Variants in MAST2 observed in about 807,000 individuals in gnomAD.
MAST2 encodes the protein microtubule-associated serine/threonine-protein kinase 2.
In MAST2, 70 loss-of-function variants were observed where a neutral mutation model predicts 147.4. That is an observed-to-expected ratio of 0.47 (90% CI 0.39 to 0.58). The LOEUF is 0.58. Ranked by LOEUF, MAST2 falls within the 20% of genes least tolerant of loss-of-function variation. The pLI, the probability that MAST2 is intolerant of heterozygous loss-of-function variation, is 0.00. For synonymous variants in MAST2, 869 were observed against 896.8 expected (o/e 0.97, Z 0.55); for missense variants, 2,080 against 2,302.3 (o/e 0.90, Z 1.98).
At chr1:45,903,667 T>C (rs1027797638) in intron 4 of MAST2, among the ~76,000 whole-genome samples, 15 of 152,234 alleles carry the variant, frequency 9.9e-5, no homozygotes, top group Admixed American at 9.2e-4. Context: ...ATGGTTGATA[T>C]GATTTTTATT....
Position 45,999,224 on chromosome 1 carries a change from C to A in MAST2, c.668+1425C>A, listed in dbSNP as rs567769338. On this transcript the variant is annotated intron_variant, in intron 6 of 28. Coordinates refer to ENST00000361297, the MANE Select transcript of MAST2 (RefSeq NM_015112.3). ...TGGGTTTCCTCCTTCAACCCACTTA[C>A]CTTATTCAAAACAAATTTTATCCAG... 3.3e-5 allele frequency among the ~76,000 whole-genome samples: 5 copies of A among 152,306 alleles called. No homozygotes were observed. The South Asian group carries it at 1.0e-3, about 32-fold the overall frequency.
rs556454403 is a variant in MAST2, at chr1:45,985,706, T to G, written c.593-12018T>G. On this transcript the variant is annotated intron_variant, in intron 5 of 28. Transcript: ENST00000361297. ...GCTGAATCTGTAGATCAGTTAGGAGTGAATTGACTTCTTAACAATATCAAA... is the reference window on the plus strand; with the variant it reads ...GCTGAATCTGTAGATCAGTTAGGAGGGAATTGACTTCTTAACAATATCAAA... 1.2e-3 allele frequency among the ~76,000 whole-genome samples: 176 copies of G among 152,336 alleles called. 1 individual carries two copies. The highest frequency in any genetic ancestry group is 1.2e-3 in the Non-Finnish European group (83 of 68,022).
intron 6 of MAST2, among the ~76,000 whole-genome samples, chr1:45,998,749 A>G (rs1252947680): frequency 2.0e-5 from 3 of 147,436 alleles, no homozygotes; most frequent in Non-Finnish European, 4.5e-5. Context: ...TTTTTTTGAG[A>G]CGGAGTCTCA....
chr1:45,905,046 A>G (rs1650446217), intron 4 of MAST2, among the ~76,000 whole-genome samples: 1 of 151,944 alleles, frequency 6.6e-6, no homozygotes, highest in African/African-American at 2.4e-5. Flanking sequence ...CCTGAGCTCA[A>G]GTGATCCTCC....
intron 3 of MAST2, among the ~76,000 whole-genome samples, chr1:45,840,741 G>A (rs1273179216): frequency 6.6e-6 from 1 of 152,284 alleles, no homozygotes; most frequent in East Asian, 1.9e-4. Flanking sequence ...ACAAGTAGCT[G>A]AGCCTCAGTC....
rs187777616 is a variant in MAST2 at position 46,026,996 on chromosome 1, A to G, written c.1920-735A>G. ...CCAGAATATTTTTAAAGCACTTAGCACAGAGCTCAACAGATAACCAAAATT... is the reference window on the plus strand; with the variant it reads ...CCAGAATATTTTTAAAGCACTTAGCGCAGAGCTCAACAGATAACCAAAATT... On this transcript the variant is annotated intron_variant, in intron 16 of 28. Transcript: ENST00000361297. Among the ~76,000 whole-genome samples the G allele has an allele frequency of 2.0e-5, 3 of 152,318 alleles. No individual in the cohort carries two copies. In the East Asian group the frequency reaches 5.8e-4, roughly 29 times the overall value.
intron 2 of MAST2, among the ~76,000 whole-genome samples, chr1:45,827,409 A>G (rs1644826514): frequency 6.6e-6 from 1 of 152,144 alleles, no homozygotes; most frequent in Admixed American, 6.6e-5. Flanking sequence ...TTACTGGTGT[A>G]CAGAGTCAAA....
At chr1:46,018,207 C>T (rs548733464) in intron 10 of MAST2, among the ~76,000 whole-genome samples, 3 of 152,282 alleles carry the variant, frequency 2.0e-5, no homozygotes, top group Admixed American at 6.5e-5. Context: ...ATCCGGCATG[C>T]CTGGTCTCCC....
intron 3 of MAST2, among the ~76,000 whole-genome samples, chr1:45,832,186 G>A (rs1052679233): frequency 1.3e-5 from 2 of 151,998 alleles, no homozygotes; most frequent in African/African-American, 4.8e-5. Flanking sequence ...TTTAACCTCT[G>A]GAACCTAAAA....
intron 3 of MAST2, among the ~76,000 whole-genome samples, chr1:45,862,445 G>A (rs1021384723): frequency 6.6e-6 from 1 of 151,666 alleles, no homozygotes; most frequent in Non-Finnish European, 1.5e-5. Context: ...ATGCCAAGGG[G>A]AGACGTTTTT....
intron 5 of MAST2, among the ~76,000 whole-genome samples, chr1:45,980,272 T>C (rs11806358): frequency 0.81 from 103,305 of 127,320 alleles, 41,184 homozygotes; most frequent in East Asian, 0.98. Context: ...GAGACTGTGT[T>C]TCCAAAAAAA....
At chr1:45,925,381 G>T (rs578238587) in intron 4 of MAST2, among the ~76,000 whole-genome samples, 1 of 152,310 alleles carries the variant, frequency 6.6e-6, no homozygotes, top group South Asian at 2.1e-4. Flanking sequence ...TGTGATTTGG[G>T]TTAAATTAAA....
chr1:45,877,689 TA>T (rs1646664807), intron 3 of MAST2, among the ~76,000 whole-genome samples: 4 of 152,314 alleles, frequency 2.6e-5, no homozygotes. Flanking sequence ...TGAAAGCTGT[TA>T]ATATTTAAGG....
chr1:45,997,249 C>T (rs1645093424), intron 5 of MAST2, among the ~76,000 whole-genome samples: 1 of 152,206 alleles, frequency 6.6e-6, no homozygotes, highest in Admixed American at 6.5e-5. Flanking sequence ...TACCTGAGAA[C>T]TTCTCTTTCC....
intron 7 of MAST2, among the ~76,000 whole-genome samples, chr1:46,006,017 A>T (rs1488534322): frequency 7.9e-5 from 12 of 152,126 alleles, no homozygotes; most frequent in Non-Finnish European, 1.5e-5. Flanking sequence ...TCCCTGCACA[A>T]CCCTTGAAGG....
At chr1:45,826,890 G>A (rs1335314679) in intron 2 of MAST2, among the ~76,000 whole-genome samples, 2 of 152,060 alleles carry the variant, frequency 1.3e-5, no homozygotes, top group African/African-American at 4.8e-5. Context: ...ATGCAGTGGC[G>A]CGATCTCGGC....
At chr1:45,883,511 A>G (rs1193639026) in intron 4 of MAST2, among the ~76,000 whole-genome samples, 1 of 152,204 alleles carries the variant, frequency 6.6e-6, no homozygotes, top group Non-Finnish European at 1.5e-5. Context: ...TAGACAAATC[A>G]CTTTATCTTC....
Position 46,023,851 on chromosome 1 carries a change from C to T in MAST2, c.1651C>T (p.Arg551Trp), listed in dbSNP as rs768333724. The part of the protein sequence containing the change: ...KKINKQNLIL[R>W]NQIQQAFVER... ...GATCAACAAGCAGAACCTGATCCTACGGAACCAGATCCAGCAGGCCTTCGT... is the reference window on the plus strand; with the variant it reads ...GATCAACAAGCAGAACCTGATCCTATGGAACCAGATCCAGCAGGCCTTCGT... Residue 551 changes from arginine to tryptophan, a missense_variant, in exon 15 of 29, where the codon CGG becomes TGG. Arg to Trp is a moderately radical substitution (Grantham distance 101). Transcript: ENST00000361297. This position sits in a 1 kb window ranked among gnomAD's most constrained non-coding sequence, Gnocchi z 4.9. The T allele has an allele frequency of 7.4e-6, 12 of 1,614,132 alleles. No individual in the cohort carries two copies. Among genetic ancestry groups the T allele is most frequent in the Non-Finnish European group, 8.5e-6 (10 of 1,180,026 alleles).
intron 4 of MAST2, 35 bp from the exon 5 acceptor site, chr1:45,959,351 G>C: frequency 6.4e-7 from 1 of 1,552,022 alleles, no homozygotes; most frequent in Non-Finnish European, 8.9e-7. Flanking sequence ...CCATGGTGTG[G>C]CCCTATTATA....
Sources: gnomAD v4.1 joint callset for allele counts (sites outside exome capture counted in the v4.1 genomes callset) on GRCh38, gnomAD v4.1.1 for gene constraint, Gnocchi (gnomAD v3.1) non-coding constraint, MANE v1.5 for transcripts, NCBI Gene and HGNC (gene_info 2026-07-23, HGNC 2026-07-21) for gene names.